The following ARFGAP3 variants were observed in gnomAD, a reference collection of about 807,000 sequenced individuals.
ARFGAP3 encodes the protein ARF GTPase activating protein 3, also known as ADP-ribosylation factor GTPase-activating protein 3.
Under a neutral mutation model 75.0 loss-of-function variants are expected in ARFGAP3, and 72 were observed. The ratio of observed to expected loss-of-function variants is 0.96; its 90% CI spans 0.79 to 1.17. The LOEUF (loss-of-function observed/expected upper bound fraction) is 1.17. Ranked by LOEUF, ARFGAP3 falls within the 50% of genes most tolerant of loss-of-function variation. ARFGAP3 has a pLI of 0.00. For synonymous variants in ARFGAP3, 221 were observed against 217.9 expected (o/e 1.01, Z -0.13); for missense variants, 620 against 626.6 (o/e 0.99, Z 0.11).
chr22:42,826,195 G>A (rs911636704), intron 7 of ARFGAP3, among the ~76,000 whole-genome samples: 1 of 152,024 alleles, frequency 6.6e-6, no homozygotes, highest in African/African-American at 2.4e-5. Context: ...ATAATTCCTT[G>A]ATAATGAAAA....
chr22:42,798,852 G>A (rs926284435), intron 15 of ARFGAP3, among the ~76,000 whole-genome samples, 187 bp downstream of exon 15: 4 of 152,108 alleles, frequency 2.6e-5, no homozygotes, highest in African/African-American at 9.7e-5. Context: ...AGAGTCATCC[G>A]TTAGAAAATA....
intron 9 of ARFGAP3, among the ~76,000 whole-genome samples, chr22:42,821,273 C>T (rs1047927651): frequency 6.6e-6 from 1 of 152,220 alleles, no homozygotes; most frequent in African/African-American, 2.4e-5. Context: ...TGTTAAAGTG[C>T]ATGATTCAGT....
chr22:42,807,006 C>A, intron 14 of ARFGAP3, 67 bp downstream of exon 14: 1 of 1,435,202 alleles, frequency 7.0e-7, no homozygotes, highest in African/African-American at 1.4e-5. Flanking sequence ...GGAAACAGTC[C>A]TATCCAGATG....
intron 1 of ARFGAP3, among the ~76,000 whole-genome samples, chr22:42,856,269 AG>A (rs1927492160): frequency 6.6e-6 from 1 of 152,220 alleles, no homozygotes; most frequent in Non-Finnish European, 1.5e-5. Flanking sequence ...TTTCTATGCC[AG>A]CATATCGAGG....
At chr22:42,823,020 G>A (rs1392968289) in intron 8 of ARFGAP3, among the ~76,000 whole-genome samples, 2 of 152,034 alleles carry the variant, frequency 1.3e-5, no homozygotes, top group African/African-American at 2.4e-5. Flanking sequence ...ATTTTGCCCA[G>A]GCTGGTCTTG....
At chr22:42,798,783 G>T (rs539301313) in intron 15 of ARFGAP3, among the ~76,000 whole-genome samples, 2 of 152,218 alleles carry the variant, frequency 1.3e-5, no homozygotes, top group Non-Finnish European at 2.9e-5. Flanking sequence ...ATACTTCTCT[G>T]TTCCAATCTA....
In ARFGAP3 at chr22:42,844,601, A is replaced by T. The variant is rs79361975; in HGVS notation, c.188+2913T>A. On this transcript the variant is annotated intron_variant, in intron 2 of 15. Coordinates refer to ENST00000263245, the MANE Select transcript of ARFGAP3 (RefSeq NM_014570.5). The stretch of plus-strand genomic sequence containing the variant: ...CTCTGTCTCAAAGGAAAAAAAAAAA[A>T]AAAAAATAAAAAACCCAAAAAACTC... 3.5e-3 allele frequency among the ~76,000 whole-genome samples: 402 copies of T among 115,538 alleles called. 8 individuals carry two copies. The highest frequency in any genetic ancestry group is 3.2e-3 in the East Asian group (13 of 4,034). The allele number at this position is 115,538 out of a possible 152,430, so 75.8% of individuals were successfully genotyped here.
At chr22:42,798,758 TCA>T (rs1924719689) in intron 15 of ARFGAP3, among the ~76,000 whole-genome samples, 1 of 152,240 alleles carries the variant, frequency 6.6e-6, no homozygotes, top group African/African-American at 2.4e-5. Context: ...ACAGATAATT[TCA>T]GTTTTCTTCT....
intron 14 of ARFGAP3, among the ~76,000 whole-genome samples, chr22:42,805,065 A>G (rs1034677447): frequency 1.3e-5 from 2 of 152,240 alleles, no homozygotes; most frequent in Middle Eastern, 3.4e-3. Flanking sequence ...CCGGAGTTTG[A>G]GACCAGCCTG....
chr22:42,811,835 A>G (rs1487680282), intron 11 of ARFGAP3, among the ~76,000 whole-genome samples: 1 of 152,202 alleles, frequency 6.6e-6, no homozygotes, highest in Non-Finnish European at 1.5e-5. Context: ...TGCCTGGAAC[A>G]GGAGAGACTG....
intron 9 of ARFGAP3, 128 bp downstream of exon 9, chr22:42,822,142 A>G: frequency 1.3e-6 from 1 of 774,276 alleles, no homozygotes. Context: ...ATCAGTTTTC[A>G]TAAAACTGAA....
chr22:42,816,468 C>T (rs1366180353), intron 11 of ARFGAP3, among the ~76,000 whole-genome samples: 2 of 152,094 alleles, frequency 1.3e-5, no homozygotes, highest in Non-Finnish European at 2.9e-5. Context: ...CATTTTGTGC[C>T]TTTTTAGCAG....
At chr22:42,856,141 C>A (rs2146596448) in intron 1 of ARFGAP3, among the ~76,000 whole-genome samples, 1 of 152,338 alleles carries the variant, frequency 6.6e-6, no homozygotes, top group South Asian at 2.1e-4. Context: ...CCACATCCAT[C>A]AGACATCACC....
chr22:42,855,257 TAAATC>T (rs1333588807), intron 1 of ARFGAP3, among the ~76,000 whole-genome samples: 2 of 152,218 alleles, frequency 1.3e-5, no homozygotes, highest in African/African-American at 4.8e-5. Flanking sequence ...ATCTTTGAAT[TAAATC>T]AAAGAGAATA....
At chr22:42,816,096 A>AGAGTGAGACTCTATCT (rs1925566854) in intron 11 of ARFGAP3, among the ~76,000 whole-genome samples, 1 of 152,226 alleles carries the variant, frequency 6.6e-6, no homozygotes, top group Non-Finnish European at 1.5e-5. Flanking sequence ...CCTGGGTGAC[A>AGAGTGAGACTCTATCT]GAGTGAGACT....
At chr22:42,850,143 G>T (rs746341790) in intron 1 of ARFGAP3, among the ~76,000 whole-genome samples, 13 of 152,098 alleles carry the variant, frequency 8.5e-5, no homozygotes, top group Admixed American at 2.6e-4. Flanking sequence ...GTCACGCGTC[G>T]GAAGTGTGCT....
At chr22:42,842,114 C>T (rs1304706880) in intron 2 of ARFGAP3, among the ~76,000 whole-genome samples, 1 of 148,892 alleles carries the variant, frequency 6.7e-6, no homozygotes, top group African/African-American at 2.5e-5. Context: ...AAGTGATTCT[C>T]CTGCCTCAGC....
chr22:42,799,560 C>T (rs1479510046), intron 14 of ARFGAP3, among the ~76,000 whole-genome samples: 1 of 152,192 alleles, frequency 6.6e-6, no homozygotes, highest in Non-Finnish European at 1.5e-5. Context: ...CCTCCTCCCT[C>T]TTTTGGTAAC....
Position 42,797,558 on chromosome 22 carries a change from C to A in ARFGAP3, c.*30G>T. The A allele has an allele frequency of 6.2e-7, 1 of 1,614,000 alleles. No homozygotes were observed. The highest frequency in any genetic ancestry group is 8.5e-7 in the Non-Finnish European group (1 of 1,179,944). ...TACTTGTTCATTTAAAGAGGAATTT[C>A]TCCAGGAAATACACATCATGACTTC... On this transcript the variant is annotated 3_prime_UTR_variant, in exon 16 of 16. Transcript: ENST00000263245.
Sources: allele counts gnomAD v4.1 joint callset (sites outside exome capture counted in the v4.1 genomes callset), GRCh38; gene constraint gnomAD v4.1.1; transcripts MANE v1.5; gene names NCBI Gene and HGNC (gene_info 2026-07-23, HGNC 2026-07-21).